TBX15: variants seen among roughly 807,000 people sequenced by gnomAD.
TBX15 encodes the protein T-box transcription factor 15.
In TBX15, 18 loss-of-function variants were observed where a neutral mutation model predicts 53.9. That is an observed-to-expected ratio of 0.33 (90% confidence interval 0.23 to 0.49). TBX15 has a LOEUF of 0.49. Ranked by LOEUF, TBX15 falls within the 20% of genes least tolerant of loss-of-function variation. The pLI is 0.98. For missense variants in TBX15, 692 were observed against 749.5 expected (o/e 0.92, Z 0.90); for synonymous variants, 295 against 278.0 (o/e 1.06, Z -0.61).
chr1:118,939,256 A>T (rs926745930), intron 1 of TBX15, among the ~76,000 whole-genome samples: 19 of 151,536 alleles, frequency 1.3e-4, no homozygotes, highest in Admixed American at 4.0e-4. Context: ...AAAATCCAAA[A>T]ATTAGCCAGG....
intron 6 of TBX15, among the ~76,000 whole-genome samples, chr1:118,908,975 T>C (rs1442770455): frequency 2.6e-5 from 4 of 151,944 alleles, no homozygotes; most frequent in African/African-American, 9.7e-5. Flanking sequence ...AGACTTCTCA[T>C]CAGGGGCTTA....
In TBX15 at chr1:118,923,595, C is replaced by A. The variant is rs775565793; in HGVS notation, c.702G>T (p.Leu234=). The change falls in exon 5 of 8, where the codon CTG becomes CTT. Residue 234 remains leucine, a synonymous_variant. Transcript: ENST00000369429. ...GAGGCTGGTATTTGTGCATAGAGTG[C>A]AGAATGATCTGAAATAAAAAGGGGA... ...NELDDQGHII[L]HSMHKYQPRV... The A allele has an allele frequency of 1.2e-6, 2 of 1,613,738 alleles. No homozygotes were observed. Among genetic ancestry groups the A allele is most frequent in the East Asian group, 2.2e-5 (1 of 44,886 alleles).
At chr1:118,898,600 C>T (rs1407832353) in intron 7 of TBX15, among the ~76,000 whole-genome samples, 2 of 151,970 alleles carry the variant, frequency 1.3e-5, no homozygotes, top group African/African-American at 4.8e-5. Flanking sequence ...ACCTGGAGAC[C>T]TGATACAATT....
At chr1:118,909,543 T>G (rs1490528273) in intron 6 of TBX15, among the ~76,000 whole-genome samples, 1 of 151,854 alleles carries the variant, frequency 6.6e-6, no homozygotes, top group African/African-American at 2.4e-5. Flanking sequence ...TCCATGGATA[T>G]CTCTGTTTTG....
At chr1:118,887,779 C>T (rs1240877181) in intron 7 of TBX15, among the ~76,000 whole-genome samples, 2 of 151,474 alleles carry the variant, frequency 1.3e-5, no homozygotes, top group African/African-American at 4.8e-5. Context: ...GAGACAGATG[C>T]CCTCAAAGAG....
At chr1:118,957,635 C>A (rs1656737388) in intron 1 of TBX15, among the ~76,000 whole-genome samples, 1 of 152,212 alleles carries the variant, frequency 6.6e-6, no homozygotes, top group Non-Finnish European at 1.5e-5. Context: ...CCCAACCCCA[C>A]AACAGGCCGC....
chr1:118,943,539 G>C (rs1332103140), intron 1 of TBX15, among the ~76,000 whole-genome samples: 1 of 151,998 alleles, frequency 6.6e-6, no homozygotes, highest in Non-Finnish European at 1.5e-5. Flanking sequence ...GAGAGAAAAG[G>C]GTAGATCACT....
At chr1:118,886,316 T>C (rs182803383) in intron 7 of TBX15, among the ~76,000 whole-genome samples, 2 of 152,142 alleles carry the variant, frequency 1.3e-5, no homozygotes, top group Admixed American at 1.3e-4. Flanking sequence ...AACAAGAAGC[T>C]AAAAAGGCCT....
upstream of TBX15, among the ~76,000 whole-genome samples, chr1:118,989,074 T>C (rs1188861542): frequency 6.6e-6 from 1 of 152,214 alleles, no homozygotes; most frequent in African/African-American, 2.4e-5. Context: ...TCTCTTTCCC[T>C]ACGGCCCGAA....
At chr1:118,914,549 T>C (rs1655127503) in intron 5 of TBX15, among the ~76,000 whole-genome samples, 1 of 152,170 alleles carries the variant, frequency 6.6e-6, no homozygotes, top group African/African-American at 2.4e-5. Flanking sequence ...AAAATGCTTG[T>C]TGAATGAGTG....
At chr1:118,980,773 T>C (rs957705231) in intron 1 of TBX15, among the ~76,000 whole-genome samples, 3 of 152,264 alleles carry the variant, frequency 2.0e-5, no homozygotes, top group East Asian at 3.9e-4. Flanking sequence ...TTTCCACTCC[T>C]CCTGTTCTTT....
At chr1:118,952,118 G>C (rs1041704893) in intron 1 of TBX15, among the ~76,000 whole-genome samples, 6 of 152,034 alleles carry the variant, frequency 3.9e-5, no homozygotes, top group African/African-American at 1.2e-4. Flanking sequence ...AAGGATGAAG[G>C]CCTGTGATAA....
chr1:118,890,240 C>T (rs753518407), intron 7 of TBX15, among the ~76,000 whole-genome samples: 2 of 152,178 alleles, frequency 1.3e-5, no homozygotes, highest in African/African-American at 2.4e-5. Flanking sequence ...TGTCCCTCCT[C>T]CCTCACTTCC....
At chr1:118,913,277 C>T (rs752368139) in intron 6 of TBX15, among the ~76,000 whole-genome samples, 18 of 151,950 alleles carry the variant, frequency 1.2e-4, no homozygotes, top group Non-Finnish European at 1.9e-4. Flanking sequence ...GCAAAGCCTA[C>T]GCACTTATGA....
intron 1 of TBX15, among the ~76,000 whole-genome samples, chr1:118,970,494 A>G (rs1657198391): frequency 6.6e-6 from 1 of 152,152 alleles, no homozygotes; most frequent in Non-Finnish European, 1.5e-5. Context: ...CATGAAAAGC[A>G]ACTGGCATAG....
At chr1:118,954,942 G>A (rs1206002314) in intron 1 of TBX15, among the ~76,000 whole-genome samples, 1 of 152,132 alleles carries the variant, frequency 6.6e-6, no homozygotes, top group Non-Finnish European at 1.5e-5. Flanking sequence ...CACCTCCTTG[G>A]CTAGCAGAAT....
At chr1:118,927,432 C>T (rs1655635965) in intron 2 of TBX15, among the ~76,000 whole-genome samples, 1 of 152,120 alleles carries the variant, frequency 6.6e-6, no homozygotes, top group African/African-American at 2.4e-5. Flanking sequence ...AATAACCACT[C>T]TAAAAATAGT....
At chr1:118,987,454 G>T in intron 1 of TBX15, 137 bp downstream of exon 1, 1 of 1,116,778 alleles carries the variant, frequency 9.0e-7, no homozygotes, top group Non-Finnish European at 1.2e-6. Context: ...CAGGGCATTT[G>T]CGCGAAGAAA....
At chr1:118,953,032 A>G (rs1037593134) in intron 1 of TBX15, among the ~76,000 whole-genome samples, 3 of 152,056 alleles carry the variant, frequency 2.0e-5, no homozygotes, top group Non-Finnish European at 4.4e-5. Flanking sequence ...TTTTAAATGT[A>G]TAAACCCAAT....
Sources: allele counts gnomAD v4.1 joint callset (sites outside exome capture counted in the v4.1 genomes callset), GRCh38; gene constraint gnomAD v4.1.1; transcripts MANE v1.5; gene names NCBI Gene and HGNC (gene_info 2026-07-23, HGNC 2026-07-21).